The following TRIM67 variants were observed in gnomAD, a reference collection of about 807,000 sequenced individuals.
The protein encoded by TRIM67 is tripartite motif containing 67.
In TRIM67, 39 loss-of-function variants were observed where a neutral mutation model predicts 71.0. The observed-to-expected ratio is 0.55, with a 90% CI of 0.43 to 0.72. The LOEUF is 0.72. Ranked by LOEUF, TRIM67 falls within the 30% of genes least tolerant of loss-of-function variation. TRIM67 has a pLI of 0.00. For missense variants in TRIM67, 973 were observed against 1,079.2 expected, an observed-to-expected ratio of 0.90 and a Z score of 1.38; for synonymous variants, 481 against 473.9, an observed-to-expected ratio of 1.01 and a Z score of -0.19.
At chr1:231,200,098 C>A in intron 3 of TRIM67, 50 bp from the exon 4 acceptor site, 1 of 1,427,336 alleles carries the variant, frequency 7.0e-7, no homozygotes, top group South Asian at 1.1e-5. Flanking sequence ...GGTGGCCTGC[C>A]TGTTCTTCCT....
chr1:231,213,696 A>C (rs1327077477), intron 8 of TRIM67, 119 bp from the exon 9 acceptor site: 10 of 1,271,276 alleles, frequency 7.9e-6, no homozygotes, highest in Non-Finnish European at 1.1e-5. Flanking sequence ...GCGTCACTGC[A>C]CTCCAGCCTG....
rs117807885 is a variant in TRIM67 at position 231,216,196 on chromosome 1, C to G, written c.*756C>G. 5.5e-4 allele frequency: 523 copies of G among 955,336 alleles called. 20 individuals are homozygous for G. The East Asian group carries it at 0.041, about 75-fold the overall frequency. 59.2% of individuals were successfully genotyped at this position (955,336 alleles called of 1,614,324 possible). A position where few individuals can be genotyped will look rare whatever the true frequency, so the allele number is the denominator to read the frequency against. On this transcript the variant is annotated 3_prime_UTR_variant, in exon 10 of 10. Transcript: ENST00000366653. ...TCTCTCCTTCCTTCCCTCCTTTGCT[C>G]TCTCTTTCTTCCTTTCCTCCTTCTC...
Position 231,216,612 on chromosome 1 carries a change from C to A in TRIM67, c.*1172C>A. On this transcript the variant is annotated 3_prime_UTR_variant, in exon 10 of 10. Transcript: ENST00000366653. ...TGTGGCAGGCCGGGACGGCTCTGCC[C>A]TGATGCAGTGGGCGGGATCTCTGGG... 1.0e-6 allele frequency: 1 copy of A among 985,582 alleles called. No homozygotes were observed. The highest frequency in any genetic ancestry group is 1.2e-6 in the Non-Finnish European group (1 of 830,022). The allele number at this position is 985,582 out of a possible 1,614,324, so 61.1% of individuals were successfully genotyped here.
rs751703346 is a variant in TRIM67 at position 231,163,858 on chromosome 1, G to C, written c.889G>C (p.Ala297Pro). The change falls in exon 1 of 10, where the codon GCC becomes CCC. Residue 297 changes from alanine to proline, a missense_variant. Coordinates refer to ENST00000366653, the MANE Select transcript of TRIM67 (RefSeq NM_001004342.5). ...AGAGATGGST[A>P]RKFPTCPEHE... ...GGCGGGGGCGACTGGGGGCAGCACG[G>C]CCCGCAAGTTCCCCACGTGTCCCGA... 3.2e-6 allele frequency: 5 copies of C among 1,563,146 alleles called. No homozygotes were observed. The highest frequency in any genetic ancestry group is 4.3e-6 in the Non-Finnish European group (5 of 1,154,640).
chr1:231,187,635 A>C (rs969023764), intron 1 of TRIM67: 1 of 1,369,300 alleles, frequency 7.3e-7, no homozygotes, highest in African/African-American at 1.5e-5. Flanking sequence ...CTGTTTTAAT[A>C]CACGCCCCAT....
intron 1 of TRIM67, among the ~76,000 whole-genome samples, chr1:231,177,903 A>G (rs1157884332): frequency 6.6e-6 from 1 of 152,250 alleles, no homozygotes; most frequent in East Asian, 1.9e-4. Flanking sequence ...AATGAATAGG[A>G]CTTAACACTA....
At chr1:231,171,372 T>C (rs1280849871) in intron 1 of TRIM67, among the ~76,000 whole-genome samples, 1 of 152,248 alleles carries the variant, frequency 6.6e-6, no homozygotes, top group Non-Finnish European at 1.5e-5. Context: ...GGAGAAATGC[T>C]TTCTGCTGCT....
At chr1:231,212,373 T>C (rs989255374) in intron 8 of TRIM67, among the ~76,000 whole-genome samples, 8 of 152,184 alleles carry the variant, frequency 5.3e-5, no homozygotes, top group African/African-American at 1.9e-4. Flanking sequence ...TATCAGTTAA[T>C]TGGGCTCTTT....
chr1:231,213,777 G>C, intron 8 of TRIM67, 38 bp from the exon 9 acceptor site: 1 of 1,539,470 alleles, frequency 6.5e-7, no homozygotes, highest in Non-Finnish European at 8.8e-7. Context: ...ATCCCAGGCT[G>C]GGTGTGGTGA....
intron 1 of TRIM67, among the ~76,000 whole-genome samples, chr1:231,187,020 C>T (rs1683098788): frequency 6.6e-6 from 1 of 152,170 alleles, no homozygotes; most frequent in African/African-American, 2.4e-5. Context: ...GCCCATCTCA[C>T]AAGCATATGG....
Position 231,217,106 on chromosome 1 carries a change from G to GT in TRIM67, c.*1667dup. 2 of 985,826 alleles carry GT rather than the reference G, an allele frequency of 2.0e-6. No homozygotes were observed. Among genetic ancestry groups the GT allele is most frequent in the Non-Finnish European group, 2.4e-6 (2 of 830,016 alleles). 61.1% of individuals were successfully genotyped at this position (985,826 alleles called of 1,614,324 possible). The stretch of plus-strand genomic sequence containing the variant: ...GTAACTGCCTGCCGGAGCCATGCAG[G>GT]TACCCCCCCTCCACTCAGCAGGCCC... On this transcript the variant is annotated 3_prime_UTR_variant, in exon 10 of 10. Transcript: ENST00000366653.
chr1:231,209,308 C>T lies in TRIM67; in HGVS notation c.2123+58C>T. 5.4e-6 allele frequency: 8 copies of T among 1,472,788 alleles called. No homozygotes were observed. Among genetic ancestry groups the T allele is most frequent in the Non-Finnish European group, 7.2e-6 (8 of 1,105,656 alleles). The allele number at this position is 1,472,788 out of a possible 1,614,324, so 91.2% of individuals were successfully genotyped here. ...CACAGGTTGTTTGGGAATGAGGGTC[C>T]TGAAGACCAGTGTCCCTTCTGCTGT... On this transcript the variant is annotated intron_variant, in intron 8 of 9. Transcript: ENST00000366653. This position sits in a 1 kb window ranked among gnomAD's most constrained non-coding sequence, Gnocchi z 4.1.
chr1:231,175,287 G>T (rs1682715781), intron 1 of TRIM67, among the ~76,000 whole-genome samples: 1 of 152,182 alleles, frequency 6.6e-6, no homozygotes. Flanking sequence ...GTAACCTACT[G>T]GGAATATGAA....
intron 1 of TRIM67, chr1:231,184,744 A>G (rs187694501): frequency 2.0e-6 from 1 of 495,506 alleles, no homozygotes; most frequent in Non-Finnish European, 3.6e-6. Context: ...TGGGGTTCTC[A>G]TTCTACCGAG....
intron 1 of TRIM67, among the ~76,000 whole-genome samples, chr1:231,181,692 T>C (rs1299669693): frequency 6.6e-6 from 1 of 152,210 alleles, no homozygotes; most frequent in East Asian, 1.9e-4. Flanking sequence ...AGACTTGATT[T>C]TTTTTCGTGG....
rs764686645 is a variant in TRIM67, at chr1:231,199,141, T to C, written c.1235T>C (p.Val412Ala). ...CAGAAAGCCAAGCTGCTCACCAAGG[T>C]GACTAAAGAGAGGGAACACAAGTTG... ...TRQKAKLLTK[V>A]TKEREHKLKM... is the part of the protein sequence containing the mutation. Residue 412 changes from valine (V) to alanine (A), a missense_variant, in exon 3 of 10, where the codon GTG (valine) becomes GCG (alanine). Transcript: ENST00000366653. The C allele has an allele frequency of 1.1e-5, 18 of 1,613,816 alleles. No homozygotes were observed. The highest frequency in any genetic ancestry group is 1.5e-5 in the Non-Finnish European group (18 of 1,179,864).
At position 231,163,727 on chromosome 1, in the gene TRIM67, CGCCGCCGCCGCCGCCGCCGCCCGCCGAG is replaced by C; in HGVS notation, c.761_788del (p.Pro254GlnfsTer54). 7.0e-7 allele frequency: 1 copy of C among 1,429,872 alleles called. No individual in the cohort carries two copies. 88.6% of individuals were successfully genotyped at this position (1,429,872 alleles called of 1,614,324 possible). A position where few individuals can be genotyped will look rare whatever the true frequency, so the allele number is the denominator to read the frequency against. On this transcript the variant is annotated frameshift_variant, in exon 1 of 10. Coordinates refer to ENST00000366653, the MANE Select transcript of TRIM67 (RefSeq NM_001004342.5). LOFTEE classifies it high-confidence loss of function. ...TTCGCCAAGCATCGCCTGGTGCAGC[CGCCGCCGCCGCCGCCGCCGCCCGCCGAG>C]GCAGCCTCCGGGCCCACTGGCACCG... is the stretch of plus-strand genomic sequence containing the variant.
At position 231,219,387 on chromosome 1, in the gene TRIM67, G is replaced by A. The variant is rs1684088496; in HGVS notation, c.*3947G>A. The A allele has an allele frequency of 3.0e-6, 3 of 993,598 alleles. No individual in the cohort carries two copies. Among genetic ancestry groups the A allele is most frequent in the South Asian group, 9.1e-5 (2 of 22,036 alleles). The allele number at this position is 993,598 out of a possible 1,614,324, so 61.5% of individuals were successfully genotyped here. A position where few individuals can be genotyped will look rare whatever the true frequency, so the allele number is the denominator to read the frequency against. On this transcript the variant is annotated 3_prime_UTR_variant, in exon 10 of 10. Transcript: ENST00000366653. Reference sequence around the variant, plus strand: ...GTTATGCCAGTGGTTTGTCATGCATGGATCTGTAGAGGGACTGTGGCGCTC... The same window carrying A: ...GTTATGCCAGTGGTTTGTCATGCATAGATCTGTAGAGGGACTGTGGCGCTC...
chr1:231,193,288 T>G (rs1683281206), intron 1 of TRIM67, among the ~76,000 whole-genome samples: 1 of 152,122 alleles, frequency 6.6e-6, no homozygotes, highest in South Asian at 2.1e-4. Context: ...AAAGACAAAG[T>G]CTCTCCACTG....
Sources: gnomAD v4.1 joint callset for allele counts (sites outside exome capture counted in the v4.1 genomes callset) on GRCh38, gnomAD v4.1.1 for gene constraint, Gnocchi (gnomAD v3.1) non-coding constraint, MANE v1.5 for transcripts, NCBI Gene and HGNC (gene_info 2026-07-23, HGNC 2026-07-21) for gene names.